CLDN10: variants seen among roughly 807,000 people sequenced by gnomAD.
CLDN10 encodes claudin 10, also known as claudin-10.
A neutral mutation model predicts 22.9 loss-of-function variants in CLDN10; 15 were observed. The ratio of observed to expected loss-of-function variants is 0.65; its 90% CI spans 0.44 to 1.01. The LOEUF (loss-of-function observed/expected upper bound fraction) is 1.01, where lower values mean the gene tolerates loss of function less well. CLDN10 is among the 50% of genes least tolerant of loss of function. CLDN10 has a pLI of 0.00. For synonymous variants in CLDN10, 114 were observed against 111.4 expected (o/e 1.02, Z -0.15); for missense variants, 247 against 287.8 (o/e 0.86, Z 1.03).
chr13:95,474,420 G>A (rs763776059), intron 1 of CLDN10, among the ~76,000 whole-genome samples: 2 of 152,172 alleles, frequency 1.3e-5, no homozygotes, highest in Non-Finnish European at 2.9e-5. Context: ...CCTGCTGTAC[G>A]GCCTAGTTCC....
chr13:95,552,632 C>A, upstream of CLDN10: 4 of 1,202,570 alleles, frequency 3.3e-6, no homozygotes, highest in African/African-American at 1.8e-5. Flanking sequence ...GTCCGCTGGG[C>A]GGGGTGGTGG....
intron 1 of CLDN10, among the ~76,000 whole-genome samples, chr13:95,518,094 C>G (rs1357128379): frequency 6.6e-6 from 1 of 152,148 alleles, no homozygotes; most frequent in Non-Finnish European, 1.5e-5. Flanking sequence ...GGACAAGCAA[C>G]TTAACATTTC....
chr13:95,508,799 C>T (rs996943731), intron 1 of CLDN10, among the ~76,000 whole-genome samples: 1 of 152,176 alleles, frequency 6.6e-6, no homozygotes, highest in Non-Finnish European at 1.5e-5. Flanking sequence ...GCCGGGTAGT[C>T]TGGTGGGTTC....
At chr13:95,543,187 G>A (rs1227576184) in intron 1 of CLDN10, among the ~76,000 whole-genome samples, 3 of 152,192 alleles carry the variant, frequency 2.0e-5, no homozygotes, top group Non-Finnish European at 2.9e-5. Context: ...AGTCGAAATC[G>A]CACCCTTGCA....
intron 1 of CLDN10, among the ~76,000 whole-genome samples, chr13:95,444,723 C>G (rs973171969): frequency 8.5e-5 from 13 of 152,196 alleles, no homozygotes; most frequent in African/African-American, 3.1e-4. Flanking sequence ...GAATGCCTGA[C>G]ATTTGAGCTC....
At position 95,447,028 on chromosome 13, in the gene CLDN10, G is replaced by A. The variant is rs560518121; in HGVS notation, c.214+12981G>A. ...CGGGGGCAGGGGGATACAAGAGAAC[G>A]AGTCCTGCCTTTAACTAAATTTCCT... On this transcript the variant is annotated intron_variant, in intron 1 of 4. Coordinates refer to the CLDN10 transcript ENST00000376873. 2.0e-5 allele frequency among the ~76,000 whole-genome samples: 3 copies of A among 152,160 alleles called. No homozygotes were observed. In the South Asian group the frequency reaches 6.2e-4, roughly 32 times the overall value.
chr13:95,560,507 T>G, intron 3 of CLDN10, 44 bp downstream of exon 3: 1 of 1,427,462 alleles, frequency 7.0e-7, no homozygotes, highest in Non-Finnish European at 9.8e-7. Flanking sequence ...AGGAAGTGTA[T>G]ATAAATTAAT....
At chr13:95,438,872 G>A (rs2042297008) in intron 1 of CLDN10, among the ~76,000 whole-genome samples, 2 of 151,056 alleles carry the variant, frequency 1.3e-5, no homozygotes, top group South Asian at 4.2e-4. Context: ...CCCGCTCTTT[G>A]GGAGGCTGAG....
intron 1 of CLDN10, among the ~76,000 whole-genome samples, chr13:95,485,805 T>TG (rs1247479209): frequency 6.6e-6 from 1 of 152,224 alleles, no homozygotes; most frequent in African/African-American, 2.4e-5. Flanking sequence ...GTGACTTTCC[T>TG]GGGCATTGCA....
At chr13:95,553,918 G>A (rs932906610) in intron 1 of CLDN10, among the ~76,000 whole-genome samples, 2 of 152,208 alleles carry the variant, frequency 1.3e-5, no homozygotes, top group Admixed American at 6.5e-5. Flanking sequence ...TACAGCAAAC[G>A]AATCCTGGCA....
intron 1 of CLDN10, among the ~76,000 whole-genome samples, chr13:95,508,132 A>G (rs924602951): frequency 1.3e-5 from 2 of 152,108 alleles, no homozygotes; most frequent in African/African-American, 4.8e-5. Flanking sequence ...ATGACATAAA[A>G]TTATGTATGT....
chr13:95,435,230 C>T (rs1594515993), intron 1 of CLDN10, among the ~76,000 whole-genome samples: 3 of 152,132 alleles, frequency 2.0e-5, no homozygotes, highest in South Asian at 4.1e-4. Flanking sequence ...TACAAATCTG[C>T]CACAAATTGT....
intron 3 of CLDN10, among the ~76,000 whole-genome samples, chr13:95,576,543 T>C (rs934276045): frequency 6.6e-6 from 1 of 152,184 alleles, no homozygotes; most frequent in Non-Finnish European, 1.5e-5. Flanking sequence ...CTGAAAGGAT[T>C]TCCTCTAGTC....
intron 3 of CLDN10, among the ~76,000 whole-genome samples, chr13:95,571,277 A>G (rs1350199208): frequency 6.6e-6 from 1 of 152,160 alleles, no homozygotes; most frequent in African/African-American, 2.4e-5. Flanking sequence ...GTCTGTTATA[A>G]TCTAGCCACA....
At chr13:95,543,398 A>T (rs1165896936) in intron 1 of CLDN10, among the ~76,000 whole-genome samples, 1 of 152,184 alleles carries the variant, frequency 6.6e-6, no homozygotes, top group Non-Finnish European at 1.5e-5. Flanking sequence ...TCCCTAAGCC[A>T]GTGAAATACA....
chr13:95,526,056 A>T (rs2043277886), intron 1 of CLDN10, among the ~76,000 whole-genome samples: 1 of 152,062 alleles, frequency 6.6e-6, no homozygotes. Context: ...AGATATTGTT[A>T]ACTTTGTCTT....
At chr13:95,439,495 A>G (rs1183443569) in intron 1 of CLDN10, among the ~76,000 whole-genome samples, 1 of 151,770 alleles carries the variant, frequency 6.6e-6, no homozygotes, top group African/African-American at 2.4e-5. Flanking sequence ...CAGCACACCC[A>G]GCTAATTTCT....
At chr13:95,555,229 T>C (rs1331232217) in intron 1 of CLDN10, among the ~76,000 whole-genome samples, 3 of 152,106 alleles carry the variant, frequency 2.0e-5, no homozygotes, top group Non-Finnish European at 4.4e-5. Flanking sequence ...TTTTTTTGCA[T>C]TTAGTAGAGA....
chr13:95,513,959 G>T (rs2043133895), intron 1 of CLDN10, among the ~76,000 whole-genome samples: 1 of 152,152 alleles, frequency 6.6e-6, no homozygotes, highest in Admixed American at 6.5e-5. Context: ...TTATGCTTCA[G>T]AACTCTTCCA....
Sources: gnomAD v4.1 joint callset for allele counts (sites outside exome capture counted in the v4.1 genomes callset) on GRCh38, gnomAD v4.1.1 for gene constraint, MANE v1.5 for transcripts, NCBI Gene and HGNC (gene_info 2026-07-23, HGNC 2026-07-21) for gene names.